The following CWF19L1 variants were observed in gnomAD, a reference collection of about 807,000 sequenced individuals.
CWF19L1 encodes the protein CWF19-like protein 1.
Under a neutral mutation model 69.7 loss-of-function variants are expected in CWF19L1, and 60 were observed. The observed-to-expected ratio is 0.86, with a 90% CI of 0.70 to 1.07. The LOEUF is 1.07. Among genes scored for constraint, CWF19L1 ranks in the 50% least tolerant of loss-of-function variants. The probability of loss-of-function intolerance (pLI) is 0.00; values close to 1 mark genes in which losing one functional copy is unlikely to be tolerated. For synonymous variants in CWF19L1, 209 were observed against 222.2 expected (o/e 0.94, Z 0.53); for missense variants, 591 against 638.9 (o/e 0.92, Z 0.81).
chr10:100,248,905 G>A (rs990860075), intron 7 of CWF19L1: 19 of 925,004 alleles, frequency 2.1e-5, no homozygotes, highest in Non-Finnish European at 2.7e-5. Flanking sequence ...TGCTGAGGGC[G>A]ATTCCAAGGC....
intron 6 of CWF19L1, among the ~76,000 whole-genome samples, chr10:100,250,907 C>G (rs1847006515): frequency 6.6e-6 from 1 of 150,726 alleles, no homozygotes; most frequent in African/African-American, 2.5e-5. Flanking sequence ...TTGATAGTAC[C>G]TCAGCACTCC....
At chr10:100,237,295 C>T (rs752871857) in intron 11 of CWF19L1, 35 of 535,802 alleles carry the variant, frequency 6.5e-5, no homozygotes, top group Non-Finnish European at 1.1e-4. Context: ...AAGAAAACCA[C>T]CACAACTACA....
intron 11 of CWF19L1, 51 bp from the exon 12 acceptor site, chr10:100,237,020 T>C: frequency 1.9e-6 from 3 of 1,540,910 alleles, no homozygotes; most frequent in Non-Finnish European, 2.6e-6. Flanking sequence ...CCAGAGAAGT[T>C]GTGCCTGCAC....
At chr10:100,252,266 TC>T in intron 6 of CWF19L1, among the ~76,000 whole-genome samples, 1 of 152,222 alleles carries the variant, frequency 6.6e-6, no homozygotes, top group African/African-American at 2.4e-5. Context: ...AAACCCTGTC[TC>T]TACTAAAAAT....
At chr10:100,234,179 G>C (rs1196925432) in intron 13 of CWF19L1, among the ~76,000 whole-genome samples, 1 of 152,098 alleles carries the variant, frequency 6.6e-6, no homozygotes, top group African/African-American at 2.4e-5. Context: ...AAATAGAAGA[G>C]TTAGAAACAA....
intron 1 of CWF19L1, among the ~76,000 whole-genome samples, chr10:100,265,026 T>C (rs1047408962): frequency 5.3e-5 from 8 of 150,330 alleles, no homozygotes; most frequent in African/African-American, 1.7e-4. Context: ...GAGGCTGAAG[T>C]GGGAGAATCA....
In CWF19L1 at chr10:100,263,755, A is replaced by C. The variant is rs188028252; in HGVS notation, c.24-1692T>G. Among the ~76,000 whole-genome samples, 152 of 152,268 alleles carry C rather than the reference A, an allele frequency of 1.0e-3. 1 individual carries two copies. Among genetic ancestry groups the C allele is most frequent in the African/African-American group, 3.2e-3 (133 of 41,554 alleles). On this transcript the variant is annotated intron_variant, in intron 1 of 13. Coordinates refer to ENST00000354105, the MANE Select transcript of CWF19L1 (RefSeq NM_018294.6). ...ACAAGGCCAGCTCCTTTTCACTCAC[A>C]ATTAAACCATCACAAGCCTTGTTGA...
rs77547498 is a variant in CWF19L1 at position 100,255,095 on chromosome 10, C to T, written c.504+1167G>A. Among the ~76,000 whole-genome samples, 338 of 152,312 alleles carry T rather than the reference C, an allele frequency of 2.2e-3. 2 individuals carry two copies. The highest frequency in any genetic ancestry group is 7.8e-3 in the African/African-American group (325 of 41,568). On this transcript the variant is annotated intron_variant, in intron 5 of 13. Transcript: ENST00000354105. The stretch of plus-strand genomic sequence containing the variant: ...TACATTTCCCTTCAATGAAGCTCAC[C>T]CAGTGTTTTCTGCCCTCACACATAA...
chr10:100,251,701 C>T (rs1026524268), intron 6 of CWF19L1, among the ~76,000 whole-genome samples: 50 of 151,962 alleles, frequency 3.3e-4, no homozygotes, highest in African/African-American at 1.1e-3. Context: ...TTAGTAGAGA[C>T]AGGGTTTCAC....
Position 100,267,608 on chromosome 10 carries a change from T to C in CWF19L1, c.-15A>G, listed in dbSNP as rs3750710. 0.037 allele frequency: 60,325 copies of C among 1,614,084 alleles called. 3,060 individuals are homozygous for C. Among genetic ancestry groups the C allele is most frequent in the African/African-American group, 0.22 (16,501 of 74,990 alleles). Reference sequence around the variant, plus strand: ...TTCTGTGCCATCTGTCCGAATAGTATGGGTTGCGACTGCCACCTAAAATTG... The same window carrying C: ...TTCTGTGCCATCTGTCCGAATAGTACGGGTTGCGACTGCCACCTAAAATTG... On this transcript the variant is annotated 5_prime_UTR_variant, in exon 1 of 14. Coordinates refer to ENST00000354105, the MANE Select transcript of CWF19L1 (RefSeq NM_018294.6).
intron 11 of CWF19L1, among the ~76,000 whole-genome samples, chr10:100,237,772 G>A (rs12263678): frequency 0.027 from 4,040 of 151,702 alleles, 78 homozygotes; most frequent in Middle Eastern, 0.055. Flanking sequence ...TCAGCCTCCC[G>A]AGTAGCTGGG....
At chr10:100,238,550 G>GT (rs1460843012) in intron 10 of CWF19L1, among the ~76,000 whole-genome samples, 1 of 152,078 alleles carries the variant, frequency 6.6e-6, no homozygotes, top group Non-Finnish European at 1.5e-5. Flanking sequence ...AAATCGCTGG[G>GT]TTTTCCCTCC....
intron 7 of CWF19L1, chr10:100,248,827 C>T (rs962705742): frequency 5.9e-6 from 8 of 1,358,422 alleles, no homozygotes; most frequent in South Asian, 2.3e-5. Flanking sequence ...GGTGGCTCAG[C>T]GGGAAGCAGA....
In CWF19L1 at chr10:100,267,589, G is replaced by A. The variant is rs369913681; in HGVS notation, c.5C>T (p.Ala2Val). 5.6e-6 allele frequency: 9 copies of A among 1,614,102 alleles called. No homozygotes were observed. The highest frequency in any genetic ancestry group is 1.6e-4 in the Middle Eastern group (1 of 6,084). Residue 2 changes from alanine (A) to valine (V), a missense_variant, in exon 1 of 14, where the codon GCA becomes GTA. Transcript: ENST00000354105. Reference protein sequence around the residue: MAQKPLRLLACG... With the variant: MVQKPLRLLACG... ...CACTCACAGGCGCAGCGGTTTCTGT[G>A]CCATCTGTCCGAATAGTATGGGTTG...
At chr10:100,267,013 G>A (rs571145005) in intron 1 of CWF19L1, among the ~76,000 whole-genome samples, 2 of 151,924 alleles carry the variant, frequency 1.3e-5, no homozygotes, top group African/African-American at 4.8e-5. Context: ...TGTTCCTCTA[G>A]ACTCTACGCT....
chr10:100,255,258 C>A (rs1564859443), intron 5 of CWF19L1, among the ~76,000 whole-genome samples: 1 of 152,250 alleles, frequency 6.6e-6, no homozygotes, highest in Non-Finnish European at 1.5e-5. Flanking sequence ...GTGGCTCACG[C>A]CTGTAATCCC....
chr10:100,261,739 GT>G (rs1246093294), intron 2 of CWF19L1, among the ~76,000 whole-genome samples: 1 of 152,128 alleles, frequency 6.6e-6, no homozygotes, highest in African/African-American at 2.4e-5. Context: ...TCTGTTTTCA[GT>G]TTTTTGTACA....
At chr10:100,247,815 G>C (rs1481742783) in intron 7 of CWF19L1, among the ~76,000 whole-genome samples, 1 of 152,132 alleles carries the variant, frequency 6.6e-6, no homozygotes, top group Non-Finnish European at 1.5e-5. Context: ...AGAATCGCTT[G>C]AACATGGGAG....
In CWF19L1 at chr10:100,246,776, A is replaced by C. The variant is rs151165937; in HGVS notation, c.849+19T>G. 5.5e-4 allele frequency: 882 copies of C among 1,594,676 alleles called. 6 individuals are homozygous for C. In the African/African-American group the frequency reaches 0.011, roughly 19 times the overall value. On this transcript the variant is annotated intron_variant, in intron 8 of 13. Transcript: ENST00000354105. ...GAAAAGAACACATATAAAAATGCCA[A>C]CCCTCAATCAGAACATACCACAGGG...
Sources: allele counts gnomAD v4.1 joint callset (sites outside exome capture counted in the v4.1 genomes callset), GRCh38; gene constraint gnomAD v4.1.1; transcripts MANE v1.5; gene names NCBI Gene and HGNC (gene_info 2026-07-23, HGNC 2026-07-21).